Variants in PTPRD observed in about 807,000 individuals in gnomAD.
PTPRD encodes the protein protein tyrosine phosphatase receptor type D.
A neutral mutation model predicts 214.5 loss-of-function variants in PTPRD; 34 were observed. The ratio of observed to expected loss-of-function variants is 0.16; its 90% confidence interval spans 0.12 to 0.21. PTPRD has a LOEUF of 0.21. Among genes scored for constraint, PTPRD ranks in the 10% least tolerant of loss-of-function variants. The pLI is 1.00. For missense variants in PTPRD, 2,545 were observed against 2,398.7 expected, an observed-to-expected ratio of 1.06 and a Z score of -1.27; for synonymous variants, 1,128 against 845.7, an observed-to-expected ratio of 1.33 and a Z score of -5.79.
intron 4 of PTPRD, among the ~76,000 whole-genome samples, chr9:9,995,632 G>A (rs529565276): frequency 1.3e-5 from 2 of 152,160 alleles, no homozygotes; most frequent in East Asian, 3.9e-4. Context: ...GTTTCCTCCT[G>A]TTTTGCTCTT....
intron 11 of PTPRD, among the ~76,000 whole-genome samples, chr9:8,927,380 C>A (rs374545534): frequency 3.9e-5 from 6 of 152,060 alleles, no homozygotes; most frequent in Middle Eastern, 6.8e-3. Flanking sequence ...CATGACAGGC[C>A]CTGGTGTGTG....
At chr9:8,414,930 G>A (rs12341525) in intron 35 of PTPRD, among the ~76,000 whole-genome samples, 1,307 of 49,234 alleles carry the variant, frequency 0.027, 37 homozygotes, top group African/African-American at 0.053. Context: ...AGAGGGAGGG[G>A]GAGAGAGAGA....
intron 4 of PTPRD, among the ~76,000 whole-genome samples, chr9:9,940,976 C>A (rs780133267): frequency 1.6e-4 from 24 of 151,892 alleles, no homozygotes; most frequent in African/African-American, 2.4e-5. Flanking sequence ...TGGGGGTGGG[C>A]AAGCTTTTGG....
chr9:9,010,969 TATTG>T (rs933715434), intron 11 of PTPRD, among the ~76,000 whole-genome samples: 7 of 152,184 alleles, frequency 4.6e-5, no homozygotes, highest in African/African-American at 1.7e-4. Context: ...TAATGATTAA[TATTG>T]ATTATTTTGG....
chr9:10,486,853 C>T (rs1357550576), intron 2 of PTPRD, among the ~76,000 whole-genome samples: 1 of 152,048 alleles, frequency 6.6e-6, no homozygotes, highest in Non-Finnish European at 1.5e-5. Flanking sequence ...CTTGATGTTT[C>T]TTCATTGATT....
At chr9:9,360,167 T>G (rs186281387) in intron 9 of PTPRD, among the ~76,000 whole-genome samples, 389 of 151,222 alleles carry the variant, frequency 2.6e-3, no homozygotes, top group Non-Finnish European at 3.7e-3. Context: ...ATTCTAAAAA[T>G]CTGACAGTTG....
At chr9:9,762,698 T>G (rs186213225) in intron 6 of PTPRD, among the ~76,000 whole-genome samples, 155 of 152,344 alleles carry the variant, frequency 1.0e-3, no homozygotes, top group Non-Finnish European at 1.3e-3. Flanking sequence ...TAAGACTTCA[T>G]CAGAACCGCA....
chr9:9,269,511 C>A (rs1246345120), intron 9 of PTPRD, among the ~76,000 whole-genome samples: 1 of 151,392 alleles, frequency 6.6e-6, no homozygotes, highest in African/African-American at 2.4e-5. Context: ...GGGCACATCT[C>A]CTAAATAAAT....
intron 44 of PTPRD, among the ~76,000 whole-genome samples, chr9:8,325,901 A>G (rs1249513432): frequency 1.3e-5 from 2 of 152,134 alleles, no homozygotes; most frequent in African/African-American, 4.8e-5. Context: ...AATGCTTGTG[A>G]TTTTTGCACA....
intron 3 of PTPRD, among the ~76,000 whole-genome samples, chr9:10,093,833 C>A (rs72694846): frequency 0.18 from 26,939 of 151,226 alleles, 2,699 homozygotes; most frequent in South Asian, 0.32. Context: ...ATTAATGCAG[C>A]AACAGAAAAA....
chr9:9,664,350 A>C (rs929711379), intron 7 of PTPRD, among the ~76,000 whole-genome samples: 3 of 151,662 alleles, frequency 2.0e-5, no homozygotes, highest in African/African-American at 7.2e-5. Context: ...AAAAAAGATC[A>C]ACTTCTAATA....
intron 10 of PTPRD, among the ~76,000 whole-genome samples, chr9:9,082,382 G>C (rs966091453): frequency 3.9e-5 from 6 of 151,938 alleles, no homozygotes; most frequent in African/African-American, 1.5e-4. Flanking sequence ...ATACAGAAAA[G>C]GCCTTCAATA....
chr9:9,843,601 G>C (rs186304228), intron 5 of PTPRD, among the ~76,000 whole-genome samples: 15 of 151,932 alleles, frequency 9.9e-5, no homozygotes, highest in African/African-American at 3.6e-4. Flanking sequence ...CACACATTTT[G>C]ACAGGATATA....
intron 5 of PTPRD, among the ~76,000 whole-genome samples, chr9:9,812,296 G>A (rs1356093766): frequency 1.3e-5 from 2 of 151,946 alleles, no homozygotes; most frequent in African/African-American, 2.4e-5. Context: ...ATACCTCAAA[G>A]GTATGCCTGT....
At chr9:10,345,705 A>C (rs2097063806) in intron 2 of PTPRD, among the ~76,000 whole-genome samples, 1 of 152,172 alleles carries the variant, frequency 6.6e-6, no homozygotes, top group Non-Finnish European at 1.5e-5. Flanking sequence ...TGCTATTGTG[A>C]ACAGTGTTGC....
chr9:8,553,903 G>C (rs908913069), intron 14 of PTPRD, among the ~76,000 whole-genome samples: 1 of 152,124 alleles, frequency 6.6e-6, no homozygotes, highest in Non-Finnish European at 1.5e-5. Flanking sequence ...AAAGACCACA[G>C]ATTAGCCGGG....
At chr9:8,963,453 TAAAC>T (rs1366396957) in intron 11 of PTPRD, among the ~76,000 whole-genome samples, 1 of 152,138 alleles carries the variant, frequency 6.6e-6, no homozygotes, top group Non-Finnish European at 1.5e-5. Context: ...GAAAAAAACA[TAAAC>T]AAAACATGTA....
chr9:10,225,208 T>C (rs929901078), intron 3 of PTPRD, among the ~76,000 whole-genome samples: 7 of 151,870 alleles, frequency 4.6e-5, no homozygotes, highest in Admixed American at 3.3e-4. Context: ...TTTAGTAGTT[T>C]ATAGTAAAAA....
At chr9:10,581,627 G>GT (rs1356780938) in intron 2 of PTPRD, among the ~76,000 whole-genome samples, 1 of 152,144 alleles carries the variant, frequency 6.6e-6, no homozygotes, top group East Asian at 1.9e-4. Context: ...ACTTAGCAGG[G>GT]TTTGTGTATT....
Sources: allele counts gnomAD v4.1 joint callset (sites outside exome capture counted in the v4.1 genomes callset), GRCh38; gene constraint gnomAD v4.1.1; transcripts MANE v1.5; gene names NCBI Gene and HGNC (gene_info 2026-07-23, HGNC 2026-07-21).